The following PACRG variants were observed in gnomAD, a reference collection of about 807,000 sequenced individuals.
PACRG encodes the protein parkin coregulated.
Under a neutral mutation model 29.7 loss-of-function variants are expected in PACRG, and 29 were observed. The ratio of observed to expected loss-of-function variants is 0.98; its 90% CI spans 0.73 to 1.33. The LOEUF is 1.33. Among genes scored for constraint, PACRG ranks in the 40% most tolerant of loss-of-function variants. The pLI is 0.00. For synonymous variants in PACRG, 116 were observed against 118.7 expected (o/e 0.98, Z 0.15); for missense variants, 279 against 316.2 (o/e 0.88, Z 0.89).
chr6:162,870,856 T>G (rs1792744814), intron 2 of PACRG, among the ~76,000 whole-genome samples: 1 of 152,190 alleles, frequency 6.6e-6, no homozygotes, highest in Non-Finnish European at 1.5e-5. Context: ...CGTTGATAGC[T>G]CTCTCCTGAT....
intron 4 of PACRG, among the ~76,000 whole-genome samples, chr6:163,142,455 T>TA (rs898679404): frequency 1.3e-5 from 2 of 151,934 alleles, no homozygotes; most frequent in Non-Finnish European, 2.9e-5. Context: ...CAATAAACAT[T>TA]AAAAAAATGA....
intron 2 of PACRG, among the ~76,000 whole-genome samples, chr6:162,947,619 T>TATATAATA (rs539689741): frequency 4.2e-5 from 2 of 47,314 alleles, no homozygotes; most frequent in African/African-American, 8.0e-5. Flanking sequence ...ATCATATATA[T>TATATAATA]ATATATATAT....
At chr6:162,896,083 T>C (rs1390034652) in intron 2 of PACRG, among the ~76,000 whole-genome samples, 1 of 152,166 alleles carries the variant, frequency 6.6e-6, no homozygotes, top group African/African-American at 2.4e-5. Flanking sequence ...GGATTGACCA[T>C]GAAGCCGAAA....
intron 4 of PACRG, among the ~76,000 whole-genome samples, chr6:163,266,962 C>T (rs1430391266): frequency 7.9e-5 from 12 of 152,200 alleles, no homozygotes; most frequent in South Asian, 2.1e-4. Flanking sequence ...ACATGGAACA[C>T]GTCTGTCACA....
intron 4 of PACRG, among the ~76,000 whole-genome samples, chr6:163,269,750 A>AAGAGAG (rs781619961): frequency 0.017 from 1,370 of 82,130 alleles, 124 homozygotes; most frequent in East Asian, 0.05. Flanking sequence ...GAAAAGAAGA[A>AAGAGAG]AGAGAGAGAG....
intron 1 of PACRG, among the ~76,000 whole-genome samples, chr6:162,742,069 C>T (rs181855914): frequency 1.2e-4 from 18 of 152,226 alleles, no homozygotes; most frequent in South Asian, 6.2e-4. Flanking sequence ...CCCTCATCTC[C>T]CAGCTTCTGG....
At chr6:163,084,343 C>A (rs1362963361) in intron 3 of PACRG, among the ~76,000 whole-genome samples, 1 of 152,126 alleles carries the variant, frequency 6.6e-6, no homozygotes, top group Admixed American at 6.6e-5. Flanking sequence ...AAAAAAAAAT[C>A]TTTTTGCTTT....
At chr6:162,763,229 AT>A (rs1306402291) in intron 1 of PACRG, among the ~76,000 whole-genome samples, 2 of 152,302 alleles carry the variant, frequency 1.3e-5, no homozygotes, top group African/African-American at 4.8e-5. Context: ...AGTAAATGTT[AT>A]TATGGACCTG....
chr6:162,770,077 C>G (rs564052404), intron 1 of PACRG, among the ~76,000 whole-genome samples: 103 of 152,094 alleles, frequency 6.8e-4, no homozygotes, highest in African/African-American at 2.4e-3. Flanking sequence ...AATTAATGCC[C>G]CCTTCCACCT....
intron 4 of PACRG, among the ~76,000 whole-genome samples, chr6:163,186,648 C>T (rs1228137816): frequency 6.6e-6 from 1 of 152,178 alleles, no homozygotes; most frequent in East Asian, 1.9e-4. Flanking sequence ...CCAGTGGAGC[C>T]GTCGCGTGCA....
intron 2 of PACRG, among the ~76,000 whole-genome samples, chr6:162,856,418 T>C (rs1176211126): frequency 6.6e-6 from 1 of 152,180 alleles, no homozygotes. Flanking sequence ...TCGGGTACTT[T>C]AATAGTGATA....
intron 4 of PACRG, among the ~76,000 whole-genome samples, chr6:163,198,457 A>G (rs1780566824): frequency 6.6e-6 from 1 of 152,222 alleles, no homozygotes; most frequent in East Asian, 1.9e-4. Flanking sequence ...TGTGTGATTT[A>G]CAGTTGTGTG....
chr6:162,892,740 A>C (rs1794858377), intron 2 of PACRG, among the ~76,000 whole-genome samples: 1 of 152,168 alleles, frequency 6.6e-6, no homozygotes, highest in Admixed American at 6.5e-5. Flanking sequence ...CTTTATTAAA[A>C]TCCTCTGTGC....
At chr6:162,727,728 G>A (rs1490894997), upstream of PACRG, 44 of 1,534,040 alleles carry the variant, frequency 2.9e-5, 1 homozygote, top group African/African-American at 2.9e-4. Flanking sequence ...AGCGGCGCCA[G>A]CCGCGCCTCC....
chr6:162,823,887 G>A (rs2128380755), intron 2 of PACRG, among the ~76,000 whole-genome samples: 2 of 152,216 alleles, frequency 1.3e-5, no homozygotes, highest in African/African-American at 4.8e-5. Flanking sequence ...TTTTAGCTGT[G>A]CTTAGGTAAA....
rs552311179 is a variant in PACRG at position 163,136,101 on chromosome 6, A to G, written c.613+46693A>G. On this transcript the variant is annotated intron_variant, in intron 4 of 4. Transcript: ENST00000366888. ...TTACAAAAATAAGATTCTAAGTTTA[A>G]TGTCATTAGATTCATCAAAATCCTC... is the stretch of plus-strand genomic sequence containing the variant. Among the ~76,000 whole-genome samples the G allele has an allele frequency of 2.6e-5, 4 of 152,274 alleles. 1 individual carries two copies. The highest frequency in any genetic ancestry group is 9.6e-5 in the African/African-American group (4 of 41,546).
intron 2 of PACRG, among the ~76,000 whole-genome samples, chr6:162,979,320 A>G (rs1031279827): frequency 3.3e-5 from 5 of 152,044 alleles, no homozygotes; most frequent in African/African-American, 9.7e-5. Flanking sequence ...GGCCATTTGT[A>G]TGTCTTCTTC....
At chr6:163,227,075 G>A (rs1453688878) in intron 4 of PACRG, among the ~76,000 whole-genome samples, 2 of 152,098 alleles carry the variant, frequency 1.3e-5, no homozygotes, top group Non-Finnish European at 2.9e-5. Flanking sequence ...CTTCCTGCTT[G>A]TATTAGGCCA....
chr6:163,263,164 A>ACCCCAGG (rs1554236774), intron 4 of PACRG, among the ~76,000 whole-genome samples: 1 of 148,620 alleles, frequency 6.7e-6, no homozygotes, highest in Non-Finnish European at 1.5e-5. Flanking sequence ...TATCTTACAG[A>ACCCCAGG]CCCCAGGAGG....
Sources: allele counts gnomAD v4.1 joint callset (sites outside exome capture counted in the v4.1 genomes callset), GRCh38; gene constraint gnomAD v4.1.1; transcripts MANE v1.5; gene names NCBI Gene and HGNC (gene_info 2026-07-23, HGNC 2026-07-21).